Variants in CCDC150 observed in about 807,000 individuals in gnomAD.
CCDC150 encodes coiled-coil domain-containing protein 150.
Under a neutral mutation model 156.5 loss-of-function variants are expected in CCDC150, and 151 were observed. The ratio of observed to expected loss-of-function variants is 0.97; its 90% confidence interval spans 0.85 to 1.10. CCDC150 has a LOEUF of 1.10. Among genes scored for constraint, CCDC150 ranks in the 50% least tolerant of loss-of-function variants. The pLI is 0.00. For missense variants in CCDC150, 1,312 were observed against 1,268.1 expected (o/e 1.03, Z -0.53); for synonymous variants, 452 against 429.4 (o/e 1.05, Z -0.65).
At chr2:196,718,381 G>C in intron 17 of CCDC150, 122 bp from the exon 18 acceptor site, 1 of 654,596 alleles carries the variant, frequency 1.5e-6, no homozygotes, top group Non-Finnish European at 2.4e-6. Flanking sequence ...TAATAAAGAT[G>C]GGTTCTATTT....
At chr2:196,692,290 G>A (rs1020314978) in intron 13 of CCDC150, among the ~76,000 whole-genome samples, 7 of 150,526 alleles carry the variant, frequency 4.7e-5, no homozygotes, top group South Asian at 4.2e-4. Context: ...GCCCGCCACC[G>A]CGCCCGGCTA....
chr2:196,642,644 T>G (rs1425319417), intron 1 of CCDC150, among the ~76,000 whole-genome samples: 1 of 152,214 alleles, frequency 6.6e-6, no homozygotes, highest in Non-Finnish European at 1.5e-5. Context: ...CTCCTGACCT[T>G]GGCATTGTTT....
chr2:196,678,238 T>C (rs770903613), intron 13 of CCDC150, among the ~76,000 whole-genome samples: 2 of 152,230 alleles, frequency 1.3e-5, no homozygotes, highest in African/African-American at 4.8e-5. Context: ...CAAGGAGTTA[T>C]TAGCTTACTT....
At chr2:196,664,590 A>G (rs1248876737) in intron 5 of CCDC150, among the ~76,000 whole-genome samples, 3 of 152,158 alleles carry the variant, frequency 2.0e-5, no homozygotes, top group African/African-American at 7.2e-5. Flanking sequence ...GTTCTTTTGA[A>G]TTTTTATGGC....
intron 1 of CCDC150, among the ~76,000 whole-genome samples, chr2:196,641,950 T>C (rs1692256262): frequency 6.6e-6 from 1 of 152,188 alleles, no homozygotes; most frequent in East Asian, 1.9e-4. Flanking sequence ...TTTTTACTAG[T>C]ATATTACTTG....
chr2:196,689,821 G>T (rs1334894483), intron 13 of CCDC150, among the ~76,000 whole-genome samples: 4 of 152,136 alleles, frequency 2.6e-5, no homozygotes, highest in Non-Finnish European at 5.9e-5. Flanking sequence ...CCTGTCTTGT[G>T]CCAGTTTTCA....
chr2:196,689,448 A>C (rs1164585154), intron 13 of CCDC150, among the ~76,000 whole-genome samples: 2 of 150,228 alleles, frequency 1.3e-5, no homozygotes, highest in African/African-American at 4.9e-5. Context: ...TTCTCCTTGA[A>C]GAGGTCCTTC....
Position 196,666,831 on chromosome 2 carries a change from A to G in CCDC150, c.875A>G (p.Gln292Arg). 3 of 1,613,724 alleles carry G rather than the reference A, an allele frequency of 1.9e-6. No homozygotes were observed. The highest frequency in any genetic ancestry group is 2.5e-6 in the Non-Finnish European group (3 of 1,179,746). ...GAAGAGTTGGAGATTGCTACTTCAC[A>G]GCTCAAATCTGATCTAAGTATGAAA... Reference protein sequence around the residue: ...KKEELEIATSQLKSDLTSRDD... With the variant: ...KKEELEIATSRLKSDLTSRDD... The change falls in exon 7 of 28, where the codon CAG becomes CGG. Residue 292 changes from glutamine to arginine, a missense_variant. Physicochemically the swap from Gln to Arg is conservative, Grantham distance 43. Transcript: ENST00000389175.
rs1698580975 is a variant in CCDC150 at position 196,732,538 on chromosome 2, T to C, written c.3282T>C (p.Tyr1094=). 1.2e-6 allele frequency: 2 copies of C among 1,611,878 alleles called. No homozygotes were observed. Among genetic ancestry groups the C allele is most frequent in the South Asian group, 2.2e-5 (2 of 91,042 alleles). ...KQNLRPMPKK[Y]HSEVQRK Reference sequence around the variant, plus strand: ...ATCTTAGGCCCATGCCCAAGAAGTATCATTCTGAGGTACAGAGGAAGTGAT... The same window carrying C: ...ATCTTAGGCCCATGCCCAAGAAGTACCATTCTGAGGTACAGAGGAAGTGAT... The change falls in exon 28 of 28, where the codon TAT becomes TAC. Residue 1094 remains tyrosine (Y), a synonymous_variant. Transcript: ENST00000389175.
At chr2:196,645,098 T>G (rs1273768692) in intron 1 of CCDC150, among the ~76,000 whole-genome samples, 7 of 152,060 alleles carry the variant, frequency 4.6e-5, no homozygotes. Context: ...CAGTCCAGCT[T>G]AGGTGACAGA....
Position 196,695,157 on chromosome 2 carries a change from G to A in CCDC150, c.1621G>A (p.Gly541Arg), listed in dbSNP as rs1383890710. 4 of 1,561,924 alleles carry A rather than the reference G, an allele frequency of 2.6e-6. No individual in the cohort carries two copies. The highest frequency in any genetic ancestry group is 1.4e-5 in the African/African-American group (1 of 73,854). ...TCAGCAAGTCACTTCTGATTACCAT[G>A]GGGTGGGTATAAAAAGATCAGTCTA... ...ELQQVTSDYH[G>R]LAQQKVEKIT... Residue 541 changes from glycine (G) to arginine (R), a missense_variant and splice_region_variant, in exon 14 of 28, where the codon GGG becomes AGG. Transcript: ENST00000389175.
chr2:196,666,942 G>A (rs1179963998), intron 7 of CCDC150, 94 bp downstream of exon 7: 4 of 1,366,194 alleles, frequency 2.9e-6, no homozygotes, highest in Non-Finnish European at 4.2e-6. Flanking sequence ...AGTGGCCAGT[G>A]TTATTGGTAT....
At chr2:196,688,099 T>C (rs1695222007) in intron 13 of CCDC150, among the ~76,000 whole-genome samples, 1 of 152,154 alleles carries the variant, frequency 6.6e-6, no homozygotes, top group Non-Finnish European at 1.5e-5. Flanking sequence ...CTTTTTTGGT[T>C]CCATATAAAT....
chr2:196,720,622 A>T lies in CCDC150; in HGVS notation c.2213A>T (p.Gln738Leu). ...RVQKLEAEVD[Q>L]WQARMLVMED... The stretch of plus-strand genomic sequence containing the variant: ...CAGAAGCTGGAAGCTGAAGTGGACC[A>T]GTGGCAGGCCAGGATGCTTGTCATG... Residue 738 changes from glutamine (Q) to leucine (L), a missense_variant, in exon 20 of 28, where the codon CAG becomes CTG. Physicochemically the swap from Gln to Leu is moderately radical, Grantham distance 113. Transcript: ENST00000389175. 6.2e-7 allele frequency: 1 copy of T among 1,613,950 alleles called. No individual in the cohort carries two copies. The highest frequency in any genetic ancestry group is 8.5e-7 in the Non-Finnish European group (1 of 1,179,852).
intron 1 of CCDC150, among the ~76,000 whole-genome samples, chr2:196,642,654 T>C (rs1188725537): frequency 6.6e-6 from 1 of 152,124 alleles, no homozygotes; most frequent in African/African-American, 2.4e-5. Flanking sequence ...TGGCATTGTT[T>C]GGTTTTTGTT....
intron 21 of CCDC150, among the ~76,000 whole-genome samples, chr2:196,725,750 G>T (rs927424028): frequency 7.9e-5 from 12 of 152,190 alleles, no homozygotes; most frequent in Non-Finnish European, 1.6e-4. Context: ...TCGTTTGGTT[G>T]GATCTCTTTA....
chr2:196,728,011 CAAAAAAAAAAAAA>C (rs749609434), intron 22 of CCDC150: 1 of 71,874 alleles, frequency 1.4e-5, no homozygotes, highest in South Asian at 7.4e-4. Flanking sequence ...GACTCTGTCT[CAAAAAAAAAAAAA>C]AAAAAAAAAA....
chr2:196,690,987 G>A (rs1695429044), intron 13 of CCDC150, among the ~76,000 whole-genome samples: 1 of 152,130 alleles, frequency 6.6e-6, no homozygotes, highest in Non-Finnish European at 1.5e-5. Context: ...CTTTAGTTCT[G>A]TTTATGTGAT....
intron 20 of CCDC150, 145 bp from the exon 21 acceptor site, chr2:196,721,375 AGG>A (rs1416426276): frequency 5.7e-6 from 1 of 175,300 alleles, no homozygotes; most frequent in African/African-American, 9.4e-5. Flanking sequence ...TATATTTTCC[AGG>A]CAGCTGGAAT....
Sources: allele counts gnomAD v4.1 joint callset (sites outside exome capture counted in the v4.1 genomes callset), GRCh38; gene constraint gnomAD v4.1.1; transcripts MANE v1.5; gene names NCBI Gene and HGNC (gene_info 2026-07-23, HGNC 2026-07-21).